RARB: variants seen among roughly 807,000 people sequenced by gnomAD.
The protein encoded by RARB is HBV-activated protein.
In RARB, 17 loss-of-function variants were observed where a neutral mutation model predicts 51.9. The observed-to-expected ratio is 0.33, with a 90% CI of 0.22 to 0.49. The LOEUF (loss-of-function observed/expected upper bound fraction) is 0.49. Ranked by LOEUF, RARB falls within the 20% of genes least tolerant of loss-of-function variation. RARB has a pLI of 0.99. For synonymous variants in RARB, 215 were observed against 195.4 expected, an observed-to-expected ratio of 1.10 and a Z score of -0.84; for missense variants, 369 against 550.8, an observed-to-expected ratio of 0.67 and a Z score of 3.30.
chr3:25,365,043 G>C (rs1443512290), intron 5 of RARB, among the ~76,000 whole-genome samples: 1 of 151,750 alleles, frequency 6.6e-6, no homozygotes, highest in East Asian at 1.9e-4. Flanking sequence ...TGATATTTGG[G>C]GGATATCTAG....
intron 3 of RARB, among the ~76,000 whole-genome samples, chr3:25,520,119 G>A (rs1698342186): frequency 6.6e-6 from 1 of 152,164 alleles, no homozygotes; most frequent in Non-Finnish European, 1.5e-5. Context: ...GAGTTGAGTA[G>A]TTGTCACAGA....
At position 24,958,255 on chromosome 3, in the gene RARB, GTTTTTTTTTTTTTT is replaced by G. The variant is rs71057692; in HGVS notation, c.-380+99524_-380+99537del. On this transcript the variant is annotated intron_variant, in intron 2 of 11. Transcript: ENST00000383772. ...ACCTGAAGCTTCCTGAGCTGCTCAG[GTTTTTTTTTTTTTT>G]TTTTTTTTTTTTTTTTTTTTAGCTG... 4.3e-4 allele frequency among the ~76,000 whole-genome samples: 30 copies of G among 69,474 alleles called. 1 individual carries two copies. Among genetic ancestry groups the G allele is most frequent in the East Asian group, 3.6e-3 (7 of 1,932 alleles). The allele number at this position is 69,474 out of a possible 152,430, so 45.6% of individuals were successfully genotyped here. A position where few individuals can be genotyped will look rare whatever the true frequency, so the allele number is the denominator to read the frequency against.
chr3:25,374,142 C>T (rs188754392), intron 5 of RARB, among the ~76,000 whole-genome samples: 93 of 152,164 alleles, frequency 6.1e-4, no homozygotes, highest in Non-Finnish European at 5.4e-4. Flanking sequence ...GCTGAGTGGA[C>T]GTAGCTGGAT....
intron 3 of RARB, among the ~76,000 whole-genome samples, chr3:25,092,337 T>C (rs552948474): frequency 6.6e-6 from 1 of 152,298 alleles, no homozygotes; most frequent in East Asian, 1.9e-4. Context: ...ATTTAGAACT[T>C]TTTGTTTGTT....
chr3:25,401,004 G>GC (rs1473998942), intron 5 of RARB, among the ~76,000 whole-genome samples: 1 of 152,102 alleles, frequency 6.6e-6, no homozygotes, highest in Non-Finnish European at 1.5e-5. Context: ...CAAAACTCAT[G>GC]CCCCCTCAGG....
chr3:25,496,927 C>G (rs1023652334), intron 2 of RARB, among the ~76,000 whole-genome samples: 3 of 152,190 alleles, frequency 2.0e-5, no homozygotes, highest in African/African-American at 7.2e-5. Flanking sequence ...TCTTGTTACC[C>G]AAGCTGGAGT....
chr3:24,905,589 A>G (rs1428646935), intron 2 of RARB, among the ~76,000 whole-genome samples: 2 of 152,212 alleles, frequency 1.3e-5, no homozygotes, highest in African/African-American at 4.8e-5. Context: ...TGATTTAAAA[A>G]AGGAAAAGGA....
At chr3:24,850,783 C>G (rs979786667) in intron 1 of RARB, among the ~76,000 whole-genome samples, 1 of 152,150 alleles carries the variant, frequency 6.6e-6, no homozygotes, top group Admixed American at 6.5e-5. Flanking sequence ...AGATTCTGAT[C>G]AGTAGGTCAA....
intron 2 of RARB, among the ~76,000 whole-genome samples, chr3:25,472,332 T>G (rs1695737993): frequency 6.6e-6 from 1 of 152,118 alleles, no homozygotes; most frequent in South Asian, 2.1e-4. Flanking sequence ...TACACCTGCT[T>G]CTTAAAAGCC....
chr3:24,878,879 G>A (rs1703101997), intron 2 of RARB, among the ~76,000 whole-genome samples: 1 of 151,956 alleles, frequency 6.6e-6, no homozygotes. Context: ...TAAAGACTTG[G>A]TTGAAGATAT....
exon 5 of RARB, chr3:25,174,517 C>T (rs766350660): frequency 1.1e-4 from 143 of 1,352,018 alleles, no homozygotes; most frequent in Non-Finnish European, 1.3e-4. Context: ...CCCTGCCTCC[C>T]CTCCATGGCC....
intron 1 of RARB, among the ~76,000 whole-genome samples, chr3:24,845,985 T>C (rs1486773043): frequency 6.6e-6 from 1 of 152,212 alleles, no homozygotes; most frequent in Non-Finnish European, 1.5e-5. Flanking sequence ...GGCAGAGTGC[T>C]TATTATTATT....
chr3:25,111,203 T>C (rs1216303613), intron 3 of RARB, among the ~76,000 whole-genome samples: 1 of 152,228 alleles, frequency 6.6e-6, no homozygotes, highest in African/African-American at 2.4e-5. Flanking sequence ...TATTAAGAGA[T>C]ATATTTATAT....
intron 5 of RARB, among the ~76,000 whole-genome samples, chr3:25,285,314 A>G (rs1020843483): frequency 6.6e-6 from 1 of 152,172 alleles, no homozygotes; most frequent in African/African-American, 2.4e-5. Context: ...TTTCCAGTCA[A>G]AAGTAGTGTA....
At chr3:25,383,358 G>A (rs1669985180) in intron 5 of RARB, among the ~76,000 whole-genome samples, 1 of 152,188 alleles carries the variant, frequency 6.6e-6, no homozygotes, top group African/African-American at 2.4e-5. Context: ...TGGCTCCTCA[G>A]CAGGGAAGCC....
intron 5 of RARB, among the ~76,000 whole-genome samples, chr3:25,410,181 A>T (rs1707521710): frequency 6.6e-6 from 1 of 152,210 alleles, no homozygotes; most frequent in African/African-American, 2.4e-5. Context: ...AGTCTGTCAC[A>T]ATAGCTGGCC....
chr3:25,215,176 G>T lies in RARB; in HGVS notation c.178+40601G>T, dbSNP rs116302085. On this transcript the variant is annotated intron_variant, in intron 5 of 11. Transcript: ENST00000383772. ...TTAGCTTCTGTTTCGTTTGGTTTTG[G>T]ATGAAGCCTGGGCAGCAGTTTATCT... 3.2e-3 allele frequency among the ~76,000 whole-genome samples: 486 copies of T among 152,308 alleles called. 1 individual carries two copies. The highest frequency in any genetic ancestry group is 0.011 in the African/African-American group (451 of 41,566).
rs182377752 is a variant in RARB at position 25,596,298 on chromosome 3, A to T, written c.1151-122A>T. ...AAAAGCCACCTGATATCTACATTTC[A>T]TAATTCCTAAGCAAGAATCTTAGGA... On this transcript the variant is annotated intron_variant, in intron 7 of 7. Coordinates refer to ENST00000330688, the MANE Select transcript of RARB (RefSeq NM_000965.5). 33 of 774,234 alleles carry T rather than the reference A, an allele frequency of 4.3e-5. No individual in the cohort carries two copies. The African/African-American group carries it at 4.9e-4, about 11-fold the overall frequency. The allele number at this position is 774,234 out of a possible 1,614,324, so 48.0% of individuals were successfully genotyped here.
At chr3:25,506,276 AC>A (rs145674745) in intron 3 of RARB, among the ~76,000 whole-genome samples, 7,988 of 127,796 alleles carry the variant, frequency 0.063, 385 homozygotes, top group African/African-American at 0.13. Context: ...AAAAAAAAAA[AC>A]CAGCTCTTTT....
Sources: allele counts gnomAD v4.1 joint callset (sites outside exome capture counted in the v4.1 genomes callset), GRCh38; gene constraint gnomAD v4.1.1; transcripts MANE v1.5; gene names NCBI Gene and HGNC (gene_info 2026-07-23, HGNC 2026-07-21).